Variants in THAP10 observed in about 807,000 individuals in gnomAD.
THAP10 encodes THAP domain containing 10.
THAP10 carries 10 observed loss-of-function variants against 15.7 expected under a neutral mutation model. The observed-to-expected ratio is 0.64, with a 90% confidence interval of 0.39 to 1.08. The LOEUF (loss-of-function observed/expected upper bound fraction) is 1.08. Ranked by LOEUF, THAP10 falls within the 50% of genes least tolerant of loss-of-function variation. The pLI is 0.01. For synonymous variants in THAP10, 127 were observed against 129.1 expected, an observed-to-expected ratio of 0.98 and a Z score of 0.11; for missense variants, 310 against 330.9, an observed-to-expected ratio of 0.94 and a Z score of 0.49.
intron 1 of THAP10, among the ~76,000 whole-genome samples, chr15:70,887,945 A>G (rs572375479): frequency 1.3e-5 from 2 of 152,342 alleles, no homozygotes; most frequent in East Asian, 3.9e-4. Context: ...AATACCATTT[A>G]TAGTAGCAAA....
At chr15:70,891,701 T>G in intron 1 of THAP10, 143 bp downstream of exon 1, 2 of 692,618 alleles carry the variant, frequency 2.9e-6, no homozygotes, top group Admixed American at 3.0e-5. Flanking sequence ...ACCTTGGAGA[T>G]CACCTCTAAA....
chr15:70,891,569 G>GTA (rs1352141912), intron 1 of THAP10, among the ~76,000 whole-genome samples: 1 of 13,776 alleles, frequency 7.3e-5, no homozygotes, highest in Non-Finnish European at 1.3e-4. Context: ...ACAAGACTCT[G>GTA]TGTGTGTGTG....
chr15:70,891,878 C>T lies in THAP10; in HGVS notation c.395G>A (p.Arg132His). 1 of 1,609,408 alleles carries T rather than the reference C, an allele frequency of 6.2e-7. No individual in the cohort carries two copies. Residue 132 changes from arginine to histidine, a missense_variant, in exon 1 of 3, where the codon CGC (arginine) becomes CAC (histidine). Coordinates refer to ENST00000249861, the MANE Select transcript of THAP10 (RefSeq NM_020147.4). Reference sequence around the variant, plus strand: ...TGCAGCCTGCTTCCCAGCTCGGGGGCGTGTACAGGAGACTGGACCTGGGGC... The same window carrying T: ...TGCAGCCTGCTTCCCAGCTCGGGGGTGTGTACAGGAGACTGGACCTGGGGC... The part of the protein sequence containing the change: ...EAAPGPVSCT[R>H]PRAGKQAAAS...
At chr15:70,884,666 A>G (rs1358085887) in intron 1 of THAP10, among the ~76,000 whole-genome samples, 1 of 152,212 alleles carries the variant, frequency 6.6e-6, no homozygotes, top group Non-Finnish European at 1.5e-5. Context: ...CACTAGCTAT[A>G]TCTACTTCTA....
At chr15:70,886,892 C>G (rs993441197) in intron 1 of THAP10, among the ~76,000 whole-genome samples, 1 of 151,618 alleles carries the variant, frequency 6.6e-6, no homozygotes, top group Admixed American at 6.6e-5. Flanking sequence ...ATCGATAAAC[C>G]ATCTGGTGAA....
chr15:70,892,335 C>T lies in THAP10; in HGVS notation c.-63G>A, dbSNP rs2033616671. 6.5e-7 allele frequency: 1 copy of T among 1,549,234 alleles called. No individual in the cohort carries two copies. The highest frequency in any genetic ancestry group is 1.4e-5 in the African/African-American group (1 of 73,054). ...GACCTTCGCCCTTGGGCACGCTCCT[C>T]GCAGCGGCCTCGGCGAGGCAAGTCC... On this transcript the variant is annotated 5_prime_UTR_variant, in exon 1 of 3. Transcript: ENST00000249861.
In THAP10 at chr15:70,882,160, T is replaced by C. The variant is rs1462113759; in HGVS notation, c.*294A>G. 7.2e-6 allele frequency: 2 copies of C among 276,538 alleles called. No homozygotes were observed. Among genetic ancestry groups the C allele is most frequent in the African/African-American group, 2.2e-5 (1 of 45,206 alleles). The allele number at this position is 276,538 out of a possible 1,614,324, so 17.1% of individuals were successfully genotyped here. ...CTAAGCTTAAACAAATATTCAATGCTTAATTTTGATTAGGAAGTGTTGCTG... is the reference window on the plus strand; with the variant it reads ...CTAAGCTTAAACAAATATTCAATGCCTAATTTTGATTAGGAAGTGTTGCTG... On this transcript the variant is annotated 3_prime_UTR_variant, in exon 3 of 3. Transcript: ENST00000249861.
At chr15:70,888,374 G>A (rs1050930807) in intron 1 of THAP10, among the ~76,000 whole-genome samples, 3 of 152,132 alleles carry the variant, frequency 2.0e-5, no homozygotes, top group Non-Finnish European at 4.4e-5. Context: ...CATATAAAGG[G>A]CACTTGATTT....
Position 70,885,268 on chromosome 15 carries a change from G to A in THAP10, c.430-2360C>T, listed in dbSNP as rs577215016. Reference sequence around the variant, plus strand: ...AGAAAATGTCATAACAGACATAGGGGATAAGATTTAAAAGTATAACATAAA... The same window carrying A: ...AGAAAATGTCATAACAGACATAGGGAATAAGATTTAAAAGTATAACATAAA... On this transcript the variant is annotated intron_variant, in intron 1 of 2. Coordinates refer to ENST00000249861, the MANE Select transcript of THAP10 (RefSeq NM_020147.4). 2.6e-5 allele frequency among the ~76,000 whole-genome samples: 4 copies of A among 152,212 alleles called. No homozygotes were observed. In the South Asian group the frequency reaches 8.3e-4, roughly 32 times the overall value.
At chr15:70,885,307 A>G (rs2033377323) in intron 1 of THAP10, among the ~76,000 whole-genome samples, 1 of 152,236 alleles carries the variant, frequency 6.6e-6, no homozygotes, top group South Asian at 2.1e-4. Context: ...GGGCAGACGC[A>G]ATATTTGAAC....
In THAP10 at chr15:70,892,255, C is replaced by T; in HGVS notation, c.18G>A (p.Val6=). ...TGGTGGTGTTGCCGCAGTGGGCGGC[C>T]ACACAACGGGCCGGCATGGCGGCCG... is the stretch of plus-strand genomic sequence containing the variant. MPARC[V]AAHCGNTTKS... Residue 6 remains valine (V), a synonymous_variant, in exon 1 of 3, where the codon GTG becomes GTA. Transcript: ENST00000249861. 1 of 1,576,606 alleles carries T rather than the reference C, an allele frequency of 6.3e-7. No individual in the cohort carries two copies. Among genetic ancestry groups the T allele is most frequent in the South Asian group, 1.2e-5 (1 of 86,760 alleles).
chr15:70,891,893 G>A lies in THAP10; in HGVS notation c.380C>T (p.Pro127Leu), dbSNP rs574109123. 1 of 1,612,896 alleles carries A rather than the reference G, an allele frequency of 6.2e-7. No homozygotes were observed. Among genetic ancestry groups the A allele is most frequent in the South Asian group, 1.1e-5 (1 of 90,860 alleles). ...AGCTCGGGGGCGTGTACAGGAGACT[G>A]GACCTGGGGCAGCCTCAGAATGCCT... ...AARHSEAAPG[P>L]VSCTRPRAGK... Residue 127 changes from proline (P) to leucine (L), a missense_variant, in exon 1 of 3, where the codon CCA (proline) becomes CTA (leucine). By Grantham distance (98) the Pro-to-Leu change is moderately conservative. Coordinates refer to ENST00000249861, the MANE Select transcript of THAP10 (RefSeq NM_020147.4).
At chr15:70,886,871 GAA>G (rs533682325) in intron 1 of THAP10, among the ~76,000 whole-genome samples, 1 of 137,620 alleles carries the variant, frequency 7.3e-6, no homozygotes, top group African/African-American at 2.6e-5. Context: ...GTCTAAAAAA[GAA>G]AAAAAAAAAT....
chr15:70,891,449 G>A (rs183475395), intron 1 of THAP10, among the ~76,000 whole-genome samples: 160 of 152,236 alleles, frequency 1.1e-3, no homozygotes, highest in African/African-American at 3.7e-3. Flanking sequence ...CTTATGTAAT[G>A]TTATGCAACA....
rs2033263218 is a variant in THAP10 at position 70,881,501 on chromosome 15, T to C, written c.*953A>G. ...AGACATATGAGGTGTAAAATTGATA[T>C]TTATTTTTGTTATTCTCAATGGAAG... On this transcript the variant is annotated 3_prime_UTR_variant, in exon 3 of 3. Transcript: ENST00000249861. 6.6e-6 allele frequency: 1 copy of C among 152,182 alleles called. No individual in the cohort carries two copies. Among genetic ancestry groups the C allele is most frequent in the Non-Finnish European group, 1.5e-5 (1 of 68,040 alleles). 9.4% of individuals were successfully genotyped at this position (152,182 alleles called of 1,614,324 possible).
rs2033283181 is a variant in THAP10, at chr15:70,882,335, T to A, written c.*119A>T. On this transcript the variant is annotated 3_prime_UTR_variant, in exon 3 of 3. Coordinates refer to ENST00000249861, the MANE Select transcript of THAP10 (RefSeq NM_020147.4). ...ACTTTTGCCTTAGAGCTAAACAAAT[T>A]ATGCTGATACTCAACTGTCAAATTA... The A allele has an allele frequency of 1.1e-6, 1 of 947,910 alleles. No individual in the cohort carries two copies. Among genetic ancestry groups the A allele is most frequent in the Non-Finnish European group, 1.6e-6 (1 of 636,244 alleles). 58.7% of individuals were successfully genotyped at this position (947,910 alleles called of 1,614,324 possible).
chr15:70,891,897 C>G lies in THAP10; in HGVS notation c.376G>C (p.Gly126Arg). 1 of 1,612,980 alleles carries G rather than the reference C, an allele frequency of 6.2e-7. No individual in the cohort carries two copies. The highest frequency in any genetic ancestry group is 8.5e-7 in the Non-Finnish European group (1 of 1,179,772). The change falls in exon 1 of 3, where the codon GGT (glycine) becomes CGT (arginine). Residue 126 changes from glycine to arginine, a missense_variant. Physicochemically the swap from Gly to Arg is moderately radical, Grantham distance 125. Transcript: ENST00000249861. ...QAARHSEAAP[G>R]PVSCTRPRAG... Reference sequence around the variant, plus strand: ...CGGGGGCGTGTACAGGAGACTGGACCTGGGGCAGCCTCAGAATGCCTGGCT... The same window carrying G: ...CGGGGGCGTGTACAGGAGACTGGACGTGGGGCAGCCTCAGAATGCCTGGCT...
chr15:70,886,485 G>A (rs924178042), intron 1 of THAP10, among the ~76,000 whole-genome samples: 1 of 152,148 alleles, frequency 6.6e-6, no homozygotes, highest in Non-Finnish European at 1.5e-5. Context: ...AAAAGCAGAG[G>A]AAGGGAATAA....
chr15:70,890,064 C>T (rs891978975), intron 1 of THAP10, among the ~76,000 whole-genome samples: 2 of 152,112 alleles, frequency 1.3e-5, no homozygotes, highest in African/African-American at 4.8e-5. Context: ...AAATGGAAAA[C>T]AGATTTATTA....
Sources: gnomAD v4.1 joint callset for allele counts (sites outside exome capture counted in the v4.1 genomes callset) on GRCh38, gnomAD v4.1.1 for gene constraint, MANE v1.5 for transcripts, NCBI Gene and HGNC (gene_info 2026-07-23, HGNC 2026-07-21) for gene names.